The following ALDH1A2 variants were observed in gnomAD, a reference collection of about 807,000 sequenced individuals.
ALDH1A2 encodes the protein aldehyde dehydrogenase 1 family member A2, also known as retinal dehydrogenase 2.
Under a neutral mutation model 60.3 loss-of-function variants are expected in ALDH1A2, and 27 were observed. The observed-to-expected ratio is 0.45, with a 90% CI of 0.33 to 0.62. The LOEUF (loss-of-function observed/expected upper bound fraction) is 0.62, where lower values mean the gene tolerates loss of function less well. Ranked by LOEUF, ALDH1A2 falls within the 20% of genes least tolerant of loss-of-function variation. The pLI is 0.02. For missense variants in ALDH1A2, 581 were observed against 643.8 expected (o/e 0.90, Z 1.06); for synonymous variants, 289 against 232.4 (o/e 1.24, Z -2.21).
intron 7 of ALDH1A2, among the ~76,000 whole-genome samples, chr15:57,972,919 G>C (rs948696377): frequency 1.3e-5 from 2 of 152,176 alleles, no homozygotes; most frequent in African/African-American, 4.8e-5. Context: ...AACTAGGAGA[G>C]AGCTGACCTG....
At chr15:57,975,874 T>G (rs1323565855) in intron 7 of ALDH1A2, among the ~76,000 whole-genome samples, 1 of 151,946 alleles carries the variant, frequency 6.6e-6, no homozygotes, top group Non-Finnish European at 1.5e-5. Context: ...AGGAAACATG[T>G]GAGGGTGAGG....
At chr15:58,023,203 C>T (rs1435947806) in intron 1 of ALDH1A2, among the ~76,000 whole-genome samples, 2 of 151,972 alleles carry the variant, frequency 1.3e-5, no homozygotes, top group African/African-American at 4.8e-5. Context: ...GAAAAAAATG[C>T]ATTTAAAATC....
At chr15:57,993,120 A>C in intron 5 of ALDH1A2, 47 bp from the exon 6 acceptor site, 1 of 1,604,568 alleles carries the variant, frequency 6.2e-7, no homozygotes, top group Non-Finnish European at 8.5e-7. Flanking sequence ...ACATTCTTCC[A>C]CTACTTTGTT....
intron 1 of ALDH1A2, 112 bp from the exon 2 acceptor site, chr15:58,014,393 A>T: frequency 1.1e-6 from 1 of 870,942 alleles, no homozygotes; most frequent in Non-Finnish European, 1.9e-6. Context: ...TAATAAAAGT[A>T]TACAATTTGA....
chr15:58,037,876 A>G (rs919695443), intron 1 of ALDH1A2, among the ~76,000 whole-genome samples: 1 of 151,780 alleles, frequency 6.6e-6, no homozygotes. Flanking sequence ...GGACTTTGAT[A>G]TCAGTTGAAC....
intron 1 of ALDH1A2, among the ~76,000 whole-genome samples, chr15:58,056,055 C>T (rs1339311457): frequency 6.6e-6 from 1 of 152,090 alleles, no homozygotes; most frequent in East Asian, 1.9e-4. Context: ...CGCACATGAG[C>T]AAGAGTACAA....
At position 57,995,096 on chromosome 15, in the gene ALDH1A2, C is replaced by T. The variant is rs749163730; in HGVS notation, c.537G>A (p.Val179=). Residue 179 remains valine, a synonymous_variant, in exon 5 of 13, where the codon GTG becomes GTA. Coordinates refer to ENST00000249750, the MANE Select transcript of ALDH1A2 (RefSeq NM_003888.4). The part of the protein sequence containing the change: ...FTFTRHEPIG[V]CGQIIPWNFP... ...CACTCACTGGGATGATCTGTCCACACACTCCAATGGGTTCATGTCTTGTAA... is the reference window on the plus strand; with the variant it reads ...CACTCACTGGGATGATCTGTCCACATACTCCAATGGGTTCATGTCTTGTAA... 2.5e-6 allele frequency: 4 copies of T among 1,612,474 alleles called. No individual in the cohort carries two copies. The East Asian group carries it at 8.9e-5, about 36-fold the overall frequency.
At chr15:58,025,929 C>T (rs1346723856) in intron 1 of ALDH1A2, among the ~76,000 whole-genome samples, 1 of 152,174 alleles carries the variant, frequency 6.6e-6, no homozygotes, top group Non-Finnish European at 1.5e-5. Context: ...AGAGAGTGCA[C>T]CAAGCCACTA....
chr15:57,955,484 A>ACTT (rs1437232538), intron 12 of ALDH1A2, among the ~76,000 whole-genome samples: 1 of 152,088 alleles, frequency 6.6e-6, no homozygotes, highest in Non-Finnish European at 1.5e-5. Flanking sequence ...TTTTTTTAAA[A>ACTT]CTTTAAAGTT....
intron 1 of ALDH1A2, among the ~76,000 whole-genome samples, chr15:58,051,189 C>T (rs1352463516): frequency 1.3e-5 from 2 of 151,876 alleles, no homozygotes; most frequent in African/African-American, 2.4e-5. Context: ...TTCCTCTTAC[C>T]CCAGGAACTG....
intron 1 of ALDH1A2, among the ~76,000 whole-genome samples, chr15:58,025,274 C>T (rs139062367): frequency 9.7e-4 from 147 of 152,086 alleles, no homozygotes; most frequent in Non-Finnish European, 1.5e-3. Context: ...TAAACAAAAT[C>T]GATAAACTGC....
Position 58,006,188 on chromosome 15 carries a change from C to T in ALDH1A2, c.493+4461G>A, listed in dbSNP as rs932087635. Among the ~76,000 whole-genome samples the T allele has an allele frequency of 3.3e-5, 5 of 151,918 alleles. No individual in the cohort carries two copies. The East Asian group carries it at 9.7e-4, about 30-fold the overall frequency. On this transcript the variant is annotated intron_variant, in intron 4 of 12. Coordinates refer to ENST00000249750, the MANE Select transcript of ALDH1A2 (RefSeq NM_003888.4). Reference sequence around the variant, plus strand: ...ATCACTCACCCCACTCCCATCCTTCCCCAAAGTCCATTATAACAGTCTTAC... The same window carrying T: ...ATCACTCACCCCACTCCCATCCTTCTCCAAAGTCCATTATAACAGTCTTAC...
chr15:58,035,286 G>A (rs1314076650), intron 1 of ALDH1A2, among the ~76,000 whole-genome samples: 1 of 151,574 alleles, frequency 6.6e-6, no homozygotes, highest in African/African-American at 2.4e-5. Flanking sequence ...CGTGGCAGTA[G>A]TAGCAATAGT....
intron 8 of ALDH1A2, among the ~76,000 whole-genome samples, chr15:57,965,108 G>C (rs1340926756): frequency 6.6e-6 from 1 of 152,120 alleles, no homozygotes; most frequent in East Asian, 1.9e-4. Context: ...AATGGCCTAG[G>C]TGGCATCCTT....
chr15:58,056,783 T>C (rs904696151), intron 1 of ALDH1A2, among the ~76,000 whole-genome samples: 1 of 152,008 alleles, frequency 6.6e-6, no homozygotes, highest in Non-Finnish European at 1.5e-5. Context: ...CATGAAACGA[T>C]GCTCAATCTC....
chr15:58,059,117 AG>A (rs1896962539), intron 1 of ALDH1A2, among the ~76,000 whole-genome samples: 1 of 152,262 alleles, frequency 6.6e-6, no homozygotes, highest in African/African-American at 2.4e-5. Context: ...CAGACAGTAG[AG>A]AAATACCAGT....
At chr15:58,055,913 A>G (rs1378237040) in intron 1 of ALDH1A2, among the ~76,000 whole-genome samples, 1 of 152,110 alleles carries the variant, frequency 6.6e-6, no homozygotes, top group African/African-American at 2.4e-5. Context: ...TCTTTTAGAA[A>G]TTCTTTTTAA....
At chr15:57,976,133 G>C (rs1894247189) in intron 7 of ALDH1A2, among the ~76,000 whole-genome samples, 1 of 152,022 alleles carries the variant, frequency 6.6e-6, no homozygotes, top group Non-Finnish European at 1.5e-5. Context: ...GAAAAACAAA[G>C]GAAACTACGT....
chr15:57,992,834 A>G lies in ALDH1A2; in HGVS notation c.685-16T>C. 1 of 1,614,022 alleles carries G rather than the reference A, an allele frequency of 6.2e-7. No homozygotes were observed. The highest frequency in any genetic ancestry group is 2.2e-5 in the East Asian group (1 of 44,878). On this transcript the variant is annotated splice_polypyrimidine_tract_variant and intron_variant, in intron 6 of 12. Transcript: ENST00000249750. ...GAAAGCCAGCCTAAGAAAACAGAAC[A>G]GGAGGAAACGTGGCTGATGAAAGCT...
Sources: gnomAD v4.1 joint callset for allele counts (sites outside exome capture counted in the v4.1 genomes callset) on GRCh38, gnomAD v4.1.1 for gene constraint, MANE v1.5 for transcripts, NCBI Gene and HGNC (gene_info 2026-07-23, HGNC 2026-07-21) for gene names.